The following STXBP4 variants were observed in gnomAD, a reference collection of about 807,000 sequenced individuals.
STXBP4 encodes syntaxin binding protein 4.
STXBP4 carries 55 observed loss-of-function variants against 76.1 expected under a neutral mutation model. The observed-to-expected ratio is 0.72, with a 90% CI of 0.58 to 0.91. The LOEUF is 0.91. Ranked by LOEUF, STXBP4 falls within the 40% of genes least tolerant of loss-of-function variation. The probability of loss-of-function intolerance (pLI) is 0.00; values close to 1 mark genes in which losing one functional copy is unlikely to be tolerated. For missense variants in STXBP4, 618 were observed against 636.9 expected, an observed-to-expected ratio of 0.97 and a Z score of 0.32; for synonymous variants, 201 against 220.2, an observed-to-expected ratio of 0.91 and a Z score of 0.77.
chr17:55,066,299 G>A (rs1337745934), intron 12 of STXBP4, among the ~76,000 whole-genome samples: 1 of 151,914 alleles, frequency 6.6e-6, no homozygotes, highest in Non-Finnish European at 1.5e-5. Flanking sequence ...TCTCAACTCA[G>A]TGCAACCTCC....
chr17:54,978,402 A>G (rs2077501218), intron 1 of STXBP4, among the ~76,000 whole-genome samples: 1 of 152,220 alleles, frequency 6.6e-6, no homozygotes, highest in Non-Finnish European at 1.5e-5. Flanking sequence ...TTCTTTTTAA[A>G]TTATAGCAGA....
chr17:55,132,379 C>T (rs1044560038), intron 16 of STXBP4, among the ~76,000 whole-genome samples: 58 of 151,942 alleles, frequency 3.8e-4, no homozygotes, highest in East Asian at 2.9e-3. Flanking sequence ...TTAGTAGAGA[C>T]GGGGTTTCAC....
intron 8 of STXBP4, among the ~76,000 whole-genome samples, chr17:55,016,136 T>C (rs558708325): frequency 2.1e-4 from 32 of 152,186 alleles, no homozygotes; most frequent in African/African-American, 7.5e-4. Flanking sequence ...CATTTTCCAA[T>C]GAGCATTAGT....
At position 55,126,250 on chromosome 17, in the gene STXBP4, G is replaced by A. The variant is rs578169210; in HGVS notation, c.1490-15060G>A. ...TAACTCATTCTCAAGAGAAAAGACA[G>A]TCAACAGATGCCAACCTCCAAAAGA... On this transcript the variant is annotated intron_variant, in intron 16 of 17. Transcript: ENST00000376352. 7.9e-5 allele frequency among the ~76,000 whole-genome samples: 12 copies of A among 152,262 alleles called. No individual in the cohort carries two copies. In the South Asian group the frequency reaches 1.2e-3, roughly 16 times the overall value.
chr17:55,049,454 GAAA>G lies in STXBP4; in HGVS notation c.1011+2302_1011+2304del, dbSNP rs1182391076. On this transcript the variant is annotated intron_variant, in intron 12 of 17. Transcript: ENST00000376352. The stretch of plus-strand genomic sequence containing the variant: ...TGGGAGGATAAGAAAGAAAAAAGAG[GAAA>G]ACAGAATACATCATTTTGTTATATA... Among the ~76,000 whole-genome samples the G allele has an allele frequency of 2.0e-5, 3 of 151,734 alleles. No homozygotes were observed. In the East Asian group the frequency reaches 5.8e-4, roughly 29 times the overall value.
At chr17:55,174,581 A>G (rs187467713), downstream of STXBP4, among the ~76,000 whole-genome samples, 23 of 152,266 alleles carry the variant, frequency 1.5e-4, no homozygotes, top group East Asian at 4.1e-3. Context: ...TATTCTGGAT[A>G]CAAGTCCTTT....
At chr17:55,126,162 T>C (rs1383531776) in intron 16 of STXBP4, among the ~76,000 whole-genome samples, 2 of 152,206 alleles carry the variant, frequency 1.3e-5, no homozygotes, top group Admixed American at 6.5e-5. Flanking sequence ...TACAGTATAA[T>C]GTTTATAATT....
chr17:55,171,826 C>T lies in STXBP4; in HGVS notation c.*11915C>T, dbSNP rs1194367636. The T allele has an allele frequency of 6.6e-6, 1 of 152,258 alleles. No individual in the cohort carries two copies. The highest frequency in any genetic ancestry group is 2.4e-5 in the African/African-American group (1 of 41,460). 9.4% of individuals were successfully genotyped at this position (152,258 alleles called of 1,614,324 possible). ...GAGCGGTGCCCAGCTGACACCTTGA[C>T]CTTGGACTTCTAGCCTCCAAACTGT... is the stretch of plus-strand genomic sequence containing the variant. On this transcript the variant is annotated 3_prime_UTR_variant, in exon 18 of 18. Coordinates refer to ENST00000376352, the MANE Select transcript of STXBP4 (RefSeq NM_178509.6).
At chr17:55,138,265 A>G (rs2080057455) in intron 16 of STXBP4, among the ~76,000 whole-genome samples, 1 of 152,130 alleles carries the variant, frequency 6.6e-6, no homozygotes, top group South Asian at 2.1e-4. Flanking sequence ...AAAATGCTGA[A>G]CACATAATAA....
At chr17:55,000,452 G>T (rs2077891542) in intron 6 of STXBP4, among the ~76,000 whole-genome samples, 1 of 152,124 alleles carries the variant, frequency 6.6e-6, no homozygotes, top group South Asian at 2.1e-4. Flanking sequence ...TAAGCTTTTA[G>T]TCAGTAGAAT....
chr17:55,204,537 T>C, the STXBP4 span, among the ~76,000 whole-genome samples: 2 of 152,144 alleles, frequency 1.3e-5, no homozygotes, highest in African/African-American at 4.8e-5. Context: ...TAAAAGATAT[T>C]ATCTTTCTCA....
At chr17:55,053,851 G>A (rs986581697) in intron 12 of STXBP4, among the ~76,000 whole-genome samples, 7 of 151,772 alleles carry the variant, frequency 4.6e-5, no homozygotes, top group Non-Finnish European at 7.4e-5. Flanking sequence ...ATAAATTAGG[G>A]GATTTTTCTC....
intron 12 of STXBP4, among the ~76,000 whole-genome samples, chr17:55,050,960 C>T (rs1414709105): frequency 1.3e-5 from 2 of 152,136 alleles, no homozygotes; most frequent in East Asian, 1.9e-4. Context: ...AGCCACTGCA[C>T]CGGGCCTGAA....
the STXBP4 span, among the ~76,000 whole-genome samples, chr17:55,205,442 T>A: frequency 6.6e-6 from 1 of 152,104 alleles, no homozygotes; most frequent in Non-Finnish European, 1.5e-5. Flanking sequence ...CAGATTTGTC[T>A]ACATTATATA....
chr17:55,047,266 G>T (rs2078803540), intron 12 of STXBP4, 112 bp downstream of exon 12: 1 of 585,560 alleles, frequency 1.7e-6, no homozygotes. Context: ...CAATATCCCA[G>T]AGCTTCCTGA....
the STXBP4 span, among the ~76,000 whole-genome samples, chr17:55,199,333 T>G: frequency 5.3e-5 from 8 of 152,330 alleles, no homozygotes; most frequent in South Asian, 8.3e-4. Context: ...CTTGAATGTT[T>G]TAGAAAAAAA....
At chr17:55,211,667 A>G in the STXBP4 span, among the ~76,000 whole-genome samples, 4 of 151,978 alleles carry the variant, frequency 2.6e-5, no homozygotes, top group African/African-American at 4.8e-5. Flanking sequence ...TTTCTTAACT[A>G]TATCCTCATG....
intron 15 of STXBP4, among the ~76,000 whole-genome samples, chr17:55,080,538 A>G (rs2079243185): frequency 6.6e-6 from 1 of 152,034 alleles, no homozygotes; most frequent in African/African-American, 2.4e-5. Flanking sequence ...TGACATTTGC[A>G]TTTTTTGAAA....
the STXBP4 span, among the ~76,000 whole-genome samples, chr17:55,182,601 T>C: frequency 1.3e-5 from 2 of 152,066 alleles, no homozygotes; most frequent in African/African-American, 4.8e-5. Flanking sequence ...AAGCCATAAA[T>C]TCAAGAGTGC....
Sources: allele counts gnomAD v4.1 joint callset (sites outside exome capture counted in the v4.1 genomes callset), GRCh38; gene constraint gnomAD v4.1.1; transcripts MANE v1.5; gene names NCBI Gene and HGNC (gene_info 2026-07-23, HGNC 2026-07-21).